The following TJP1 variants were observed in gnomAD, a reference collection of about 807,000 sequenced individuals.
The protein encoded by TJP1 is tight junction protein 1, also known as tight junction protein ZO-1.
A neutral mutation model predicts 194.2 loss-of-function variants in TJP1; 43 were observed. That is an observed-to-expected ratio of 0.22 (90% CI 0.17 to 0.29). The LOEUF (loss-of-function observed/expected upper bound fraction) is 0.29. Ranked by LOEUF, TJP1 falls within the 10% of genes least tolerant of loss-of-function variation. The probability of loss-of-function intolerance (pLI) is 1.00; values close to 1 mark genes in which losing one functional copy is unlikely to be tolerated. For synonymous variants in TJP1, 801 were observed against 779.0 expected (o/e 1.03, Z -0.47); for missense variants, 1,971 against 2,185.7 (o/e 0.90, Z 1.96).
rs569115091 is a variant in TJP1 at position 29,800,157 on chromosome 15, C to T, written c.84+489G>A. On this transcript the variant is annotated intron_variant, in intron 2 of 27. Transcript: ENST00000614355. ...ACTTCGGACAAAGTTCTTAGTCCCA[C>T]CAAGTAAGAACTCATCTCTTACTAC... 1.1e-4 allele frequency among the ~76,000 whole-genome samples: 17 copies of T among 152,278 alleles called. No homozygotes were observed. In the South Asian group the frequency reaches 3.5e-3, roughly 32 times the overall value.
intron 2 of TJP1, among the ~76,000 whole-genome samples, chr15:29,777,343 C>T (rs573429305): frequency 9.9e-5 from 15 of 152,080 alleles, no homozygotes; most frequent in Non-Finnish European, 1.5e-4. Flanking sequence ...AATTACACAG[C>T]GAAGAAGATA....
At chr15:29,808,008 CT>C (rs1419439310) in intron 1 of TJP1, among the ~76,000 whole-genome samples, 1 of 152,172 alleles carries the variant, frequency 6.6e-6, no homozygotes, top group East Asian at 1.9e-4. Flanking sequence ...TGGCTCACAC[CT>C]GTAATCCCAG....
At chr15:29,782,695 G>A (rs919181982) in intron 2 of TJP1, among the ~76,000 whole-genome samples, 2 of 152,002 alleles carry the variant, frequency 1.3e-5, no homozygotes, top group African/African-American at 4.8e-5. Flanking sequence ...ATTGACAAAT[G>A]GAATCTAATT....
chr15:29,923,483 A>G (rs1176772024), intron 2 of TJP1, among the ~76,000 whole-genome samples: 2 of 152,210 alleles, frequency 1.3e-5, no homozygotes, highest in Non-Finnish European at 2.9e-5. Flanking sequence ...AGCAATAAAC[A>G]GGAATGAAGT....
intron 2 of TJP1, among the ~76,000 whole-genome samples, chr15:29,870,410 CTT>C (rs1356203955): frequency 6.6e-6 from 1 of 152,118 alleles, no homozygotes; most frequent in Non-Finnish European, 1.5e-5. Context: ...GCAAAATTAT[CTT>C]ATAATACACA....
chr15:29,846,927 A>G (rs1332496718), intron 2 of TJP1, among the ~76,000 whole-genome samples: 2 of 146,656 alleles, frequency 1.4e-5, no homozygotes, highest in Non-Finnish European at 3.1e-5. Context: ...CTCCGTCTCA[A>G]AGAAAAAAAA....
At chr15:29,833,976 G>A (rs1335701087) in intron 2 of TJP1, among the ~76,000 whole-genome samples, 5 of 109,022 alleles carry the variant, frequency 4.6e-5, no homozygotes, top group Non-Finnish European at 9.2e-5. Context: ...TCCACCTCCC[G>A]GGTTCACGCC....
At chr15:29,947,077 T>C (rs372396869) in intron 2 of TJP1, among the ~76,000 whole-genome samples, 12 of 152,364 alleles carry the variant, frequency 7.9e-5, no homozygotes, top group African/African-American at 2.9e-4. Context: ...CTGAACACAA[T>C]GTGGTCATTA....
chr15:29,775,442 T>C (rs998392180), intron 2 of TJP1, among the ~76,000 whole-genome samples: 2 of 152,098 alleles, frequency 1.3e-5, no homozygotes, highest in East Asian at 1.9e-4. Context: ...ACACCTAAAA[T>C]TGCAAGGGTT....
In TJP1 at chr15:29,758,945, AC is replaced by A. The variant is rs2045823561; in HGVS notation, c.1010+2193del. The stretch of plus-strand genomic sequence containing the variant: ...TTTAGAAATAATCAGCTTCACAAAT[AC>A]ATAAAAACTACAGTAGATACGAATT... On this transcript the variant is annotated intron_variant, in intron 8 of 27. Coordinates refer to ENST00000614355, the MANE Select transcript of TJP1 (RefSeq NM_001330239.4). The A allele has an allele frequency of 2.0e-5, 3 of 152,224 alleles. No individual in the cohort carries two copies. In the East Asian group the frequency reaches 5.8e-4, roughly 29 times the overall value. The allele number at this position is 152,224 out of a possible 1,614,324, so 9.4% of individuals were successfully genotyped here. A position where few individuals can be genotyped will look rare whatever the true frequency, so the allele number is the denominator to read the frequency against.
At chr15:29,953,138 A>G (rs56353908) in intron 2 of TJP1, among the ~76,000 whole-genome samples, 32,586 of 106,610 alleles carry the variant, frequency 0.31, 4,383 homozygotes, top group East Asian at 0.5. Context: ...AAAAGAAGAC[A>G]GATTTTTTTT....
At chr15:29,968,602 C>T in intron 1 of TJP1, 5 of 945,882 alleles carry the variant, frequency 5.3e-6, no homozygotes, top group Non-Finnish European at 6.3e-6. Context: ...CGCTCTCCCA[C>T]TCCGGCCCCC....
At chr15:29,725,554 A>G (rs368575676) in intron 18 of TJP1, among the ~76,000 whole-genome samples, 6 of 152,084 alleles carry the variant, frequency 3.9e-5, no homozygotes, top group East Asian at 1.9e-4. Context: ...TACTGCACTG[A>G]TCTGAAAAAG....
In TJP1 at chr15:29,741,452, T is replaced by C. The variant is rs763292819; in HGVS notation, c.1151-16A>G. ...GGCTTTGGTTCTAAGAAAAAAAAAA[T>C]TGAGTAGGACTCACTTTAGAAAAAC... On this transcript the variant is annotated splice_polypyrimidine_tract_variant and intron_variant, in intron 9 of 27. Transcript: ENST00000614355. 6.7e-5 allele frequency: 97 copies of C among 1,442,928 alleles called. No homozygotes were observed. The highest frequency in any genetic ancestry group is 9.1e-5 in the Non-Finnish European group (94 of 1,028,368). The allele number at this position is 1,442,928 out of a possible 1,614,324, so 89.4% of individuals were successfully genotyped here. A position where few individuals can be genotyped will look rare whatever the true frequency, so the allele number is the denominator to read the frequency against.
intron 2 of TJP1, among the ~76,000 whole-genome samples, chr15:29,861,238 C>G (rs146183791): frequency 1.6e-4 from 24 of 152,314 alleles, no homozygotes; most frequent in African/African-American, 4.3e-4. Context: ...TTTTCCACAG[C>G]AATGACACTA....
chr15:29,771,546 T>C (rs1029822752), intron 4 of TJP1, among the ~76,000 whole-genome samples: 6 of 151,694 alleles, frequency 4.0e-5, no homozygotes, highest in Admixed American at 1.3e-4. Flanking sequence ...TGGCTCATGC[T>C]TGTAATCCCA....
intron 27 of TJP1, among the ~76,000 whole-genome samples, chr15:29,702,567 AG>A (rs2041618700): frequency 6.6e-6 from 1 of 152,152 alleles, no homozygotes; most frequent in Non-Finnish European, 1.5e-5. Flanking sequence ...ACTGGCATCT[AG>A]GGGTAGAGGC....
intron 4 of TJP1, 64 bp from the exon 5 acceptor site, chr15:29,766,606 A>G (rs957340275): frequency 1.4e-6 from 2 of 1,465,826 alleles, no homozygotes; most frequent in African/African-American, 2.8e-5. Flanking sequence ...TCAGTTCCAA[A>G]GAGAAAGGAA....
intron 2 of TJP1, among the ~76,000 whole-genome samples, chr15:29,863,552 C>G (rs2052177717): frequency 6.6e-6 from 1 of 152,060 alleles, no homozygotes; most frequent in South Asian, 2.1e-4. Context: ...GGTGTCACAA[C>G]CACAACACTC....
Sources: allele counts gnomAD v4.1 joint callset (sites outside exome capture counted in the v4.1 genomes callset), GRCh38; gene constraint gnomAD v4.1.1; transcripts MANE v1.5; gene names NCBI Gene and HGNC (gene_info 2026-07-23, HGNC 2026-07-21).